Variants in NREP observed in about 807,000 individuals in gnomAD.
NREP encodes the protein neuronal regeneration related protein.
In NREP, 5 loss-of-function variants were observed where a neutral mutation model predicts 8.6. The observed-to-expected ratio is 0.58, with a 90% CI of 0.30 to 1.22. The LOEUF (loss-of-function observed/expected upper bound fraction) is 1.22, where lower values mean the gene tolerates loss of function less well. NREP is among the 50% of genes most tolerant of loss of function. NREP has a pLI of 0.07. For missense variants in NREP, 86 were observed against 82.5 expected (o/e 1.04, Z -0.17); for synonymous variants, 27 against 28.0 (o/e 0.96, Z 0.11).
chr5:111,848,409 CA>C (rs1753230918), intron 2 of NREP, among the ~76,000 whole-genome samples: 1 of 150,678 alleles, frequency 6.6e-6, no homozygotes, highest in South Asian at 2.1e-4. Context: ...ATGCTTTTGA[CA>C]CTTTCATTTG....
intron 2 of NREP, among the ~76,000 whole-genome samples, chr5:111,943,904 A>T (rs1198909194): frequency 6.6e-6 from 1 of 152,098 alleles, no homozygotes; most frequent in Non-Finnish European, 1.5e-5. Flanking sequence ...CATTCAAGAA[A>T]ATTGTGATTT....
chr5:111,823,939 A>T (rs1359515579), intron 2 of NREP, among the ~76,000 whole-genome samples: 1 of 152,222 alleles, frequency 6.6e-6, no homozygotes. Flanking sequence ...TTAGTGTAGC[A>T]TGTATCTAAG....
At chr5:111,930,909 C>A (rs1185925211) in intron 2 of NREP, among the ~76,000 whole-genome samples, 1 of 152,118 alleles carries the variant, frequency 6.6e-6, no homozygotes, top group African/African-American at 2.4e-5. Flanking sequence ...AATGAAGACA[C>A]AATCCACTTG....
At chr5:111,813,835 T>G (rs1752321459) in intron 2 of NREP, among the ~76,000 whole-genome samples, 1 of 152,172 alleles carries the variant, frequency 6.6e-6, no homozygotes, top group East Asian at 1.9e-4. Context: ...AGAACTAATA[T>G]ACATAAGCAT....
upstream of NREP, among the ~76,000 whole-genome samples, chr5:111,758,832 T>C (rs1253238749): frequency 1.3e-5 from 2 of 152,236 alleles, no homozygotes; most frequent in Non-Finnish European, 2.9e-5. Flanking sequence ...GAGTTCTCTG[T>C]ATGCTTGTTG....
In NREP at chr5:111,856,516, G is replaced by T. The variant is rs755108471; in HGVS notation, c.135+118758C>A. Among the ~76,000 whole-genome samples, 78 of 152,218 alleles carry T rather than the reference G, an allele frequency of 5.1e-4. 3 individuals are homozygous for T. The highest frequency in any genetic ancestry group is 2.4e-3 in the Admixed American group (37 of 15,294). ...TACTGTGTTCGAAGCAGTATGATGG[G>T]AGATTAAGAGGAAAGGTTGAGAGTG... On this transcript the variant is annotated intron_variant, in intron 2 of 3. Transcript: ENST00000395634.
intron 2 of NREP, among the ~76,000 whole-genome samples, chr5:111,808,610 C>T (rs1358390476): frequency 1.3e-5 from 2 of 152,042 alleles, no homozygotes; most frequent in African/African-American, 4.8e-5. Flanking sequence ...AGCCTCTTAC[C>T]CTTTTCCCCT....
chr5:111,871,959 A>T (rs1753801568), intron 2 of NREP, among the ~76,000 whole-genome samples: 1 of 149,964 alleles, frequency 6.7e-6, no homozygotes, highest in Non-Finnish European at 1.5e-5. Context: ...ATTAGCATAT[A>T]TGTGTGCTTA....
chr5:111,774,216 G>GGAAGGAAGAAGGGAGGGAAGGAA, intron 2 of NREP, among the ~76,000 whole-genome samples: 1 of 150,782 alleles, frequency 6.6e-6, no homozygotes, highest in African/African-American at 2.5e-5. Context: ...AAGAAAGGAA[G>GGAAGGAAGAAGGGAGGGAAGGAA]GAAGGAAGAA....
intron 2 of NREP, among the ~76,000 whole-genome samples, chr5:111,940,926 A>G (rs1755811743): frequency 6.6e-6 from 1 of 152,092 alleles, no homozygotes; most frequent in African/African-American, 2.4e-5. Context: ...CAAGGTCGAG[A>G]TTTCTGGGTA....
At chr5:111,969,801 C>T (rs1561375732) in intron 2 of NREP, among the ~76,000 whole-genome samples, 3 of 152,056 alleles carry the variant, frequency 2.0e-5, no homozygotes, top group Non-Finnish European at 4.4e-5. Flanking sequence ...TATTTTAAAC[C>T]TTGAGATTCT....
chr5:111,808,880 G>A (rs1209377949), intron 2 of NREP, among the ~76,000 whole-genome samples: 1 of 152,174 alleles, frequency 6.6e-6, no homozygotes, highest in Non-Finnish European at 1.5e-5. Context: ...TTTCTAGCAT[G>A]TGGTACATGC....
intron 2 of NREP, among the ~76,000 whole-genome samples, chr5:111,769,766 A>G (rs1173446827): frequency 6.6e-6 from 1 of 152,206 alleles, no homozygotes; most frequent in South Asian, 2.1e-4. Context: ...AGTGCTACAC[A>G]CTTTTAAACC....
At chr5:111,945,038 A>G (rs1755937708) in intron 2 of NREP, among the ~76,000 whole-genome samples, 1 of 151,976 alleles carries the variant, frequency 6.6e-6, no homozygotes, top group African/African-American at 2.4e-5. Flanking sequence ...CTACATCTCT[A>G]CTTCTAACAG....
chr5:111,804,753 G>A (rs1314479090), intron 2 of NREP, among the ~76,000 whole-genome samples: 2 of 151,844 alleles, frequency 1.3e-5, no homozygotes, highest in Non-Finnish European at 2.9e-5. Flanking sequence ...TGTAGTCCCA[G>A]CACTTTGGAA....
At chr5:111,967,683 C>G (rs1302737380) in intron 2 of NREP, among the ~76,000 whole-genome samples, 1 of 152,134 alleles carries the variant, frequency 6.6e-6, no homozygotes, top group African/African-American at 2.4e-5. Context: ...GCCGCCCCAT[C>G]TGGGATGTGA....
intron 2 of NREP, among the ~76,000 whole-genome samples, chr5:111,748,675 T>C (rs1340390707): frequency 6.6e-6 from 1 of 152,126 alleles, no homozygotes; most frequent in African/African-American, 2.4e-5. Flanking sequence ...CACCAATTTC[T>C]CTACAATTTC....
chr5:111,869,865 C>A (rs1291197327), intron 2 of NREP, among the ~76,000 whole-genome samples: 1 of 152,102 alleles, frequency 6.6e-6, no homozygotes, highest in Non-Finnish European at 1.5e-5. Context: ...AGAAATGACT[C>A]GTATGAATGA....
chr5:111,878,642 G>A (rs952374490), intron 2 of NREP, among the ~76,000 whole-genome samples: 2 of 152,134 alleles, frequency 1.3e-5, no homozygotes, highest in Non-Finnish European at 2.9e-5. Flanking sequence ...GAATTTGTTT[G>A]CCGTTGTCTT....
Sources: allele counts gnomAD v4.1 joint callset (sites outside exome capture counted in the v4.1 genomes callset), GRCh38; gene constraint gnomAD v4.1.1; transcripts MANE v1.5; gene names NCBI Gene and HGNC (gene_info 2026-07-23, HGNC 2026-07-21).